The following ROBO2 variants were observed in gnomAD, a reference collection of about 807,000 sequenced individuals.
ROBO2 encodes roundabout homolog 2.
Under a neutral mutation model 160.8 loss-of-function variants are expected in ROBO2, and 53 were observed. The ratio of observed to expected loss-of-function variants is 0.33; its 90% CI spans 0.26 to 0.41. The LOEUF is 0.41. Among genes scored for constraint, ROBO2 ranks in the 10% least tolerant of loss-of-function variants. The pLI, the probability that ROBO2 is intolerant of heterozygous loss-of-function variation, is 1.00. For missense variants in ROBO2, 1,577 were observed against 1,722.4 expected, an observed-to-expected ratio of 0.92 and a Z score of 1.49; for synonymous variants, 664 against 611.7, an observed-to-expected ratio of 1.09 and a Z score of -1.26.
At chr3:76,185,197 T>TATATATATATATATATATATATAG (rs1559621603) in intron 2 of ROBO2, among the ~76,000 whole-genome samples, 5 of 81,760 alleles carry the variant, frequency 6.1e-5, no homozygotes, top group African/African-American at 1.5e-4. Context: ...TAAACACAGA[T>TATATATATATATATATATATATAG]ATATATATAT....
rs186868279 is a variant in ROBO2, at chr3:76,238,464, C to A, written c.109+300862C>A. ...ACCTCCATGATCTAACCACCTCCCC[C>A]AAGGGCTTCCCCCTAGACACAAGGG... is the stretch of plus-strand genomic sequence containing the variant. On this transcript the variant is annotated intron_variant, in intron 2 of 26. Transcript: ENST00000487694. 1.1e-3 allele frequency among the ~76,000 whole-genome samples: 174 copies of A among 152,126 alleles called. No homozygotes were observed. The Middle Eastern group carries it at 0.014, about 12-fold the overall frequency.
intron 2 of ROBO2, among the ~76,000 whole-genome samples, chr3:76,796,503 AGAAGGAAAGAAG>A (rs1340486548): frequency 8.5e-6 from 1 of 117,928 alleles, no homozygotes; most frequent in Non-Finnish European, 1.7e-5. Context: ...AAGGAAGGAA[AGAAGGAAAGAAG>A]GAAGGAAGGA....
At chr3:77,613,492 G>A (rs987630422) in intron 21 of ROBO2, among the ~76,000 whole-genome samples, 1 of 152,022 alleles carries the variant, frequency 6.6e-6, no homozygotes, top group African/African-American at 2.4e-5. Context: ...ATTATATCTA[G>A]TTATGAAGCA....
At chr3:76,559,923 T>C (rs2084055283) in intron 2 of ROBO2, among the ~76,000 whole-genome samples, 1 of 152,280 alleles carries the variant, frequency 6.6e-6, no homozygotes, top group Non-Finnish European at 1.5e-5. Context: ...GTGCTCTCAT[T>C]GCAAGAGCAC....
intron 2 of ROBO2, among the ~76,000 whole-genome samples, chr3:76,691,247 T>G (rs155470): frequency 0.57 from 86,768 of 151,708 alleles, 26,243 homozygotes; most frequent in East Asian, 0.78. Context: ...GTGCTCACTT[T>G]CCCTTCCACC....
chr3:77,404,655 T>G (rs2076113675), intron 2 of ROBO2, among the ~76,000 whole-genome samples: 1 of 152,288 alleles, frequency 6.6e-6, no homozygotes, highest in South Asian at 2.1e-4. Context: ...ATGGATATTC[T>G]TAGAATTTAA....
intron 2 of ROBO2, among the ~76,000 whole-genome samples, chr3:76,170,361 AG>A (rs926286928): frequency 7.2e-5 from 11 of 152,196 alleles, no homozygotes; most frequent in African/African-American, 2.7e-4. Flanking sequence ...AAATTAATTT[AG>A]AATAACTTTT....
chr3:77,150,021 G>A (rs1183584938), intron 2 of ROBO2, among the ~76,000 whole-genome samples: 2 of 152,004 alleles, frequency 1.3e-5, no homozygotes, highest in African/African-American at 2.4e-5. Flanking sequence ...TATTTTATTT[G>A]TTCCTGATTT....
chr3:77,345,086 C>T (rs1437096394), intron 2 of ROBO2, among the ~76,000 whole-genome samples: 1 of 151,878 alleles, frequency 6.6e-6, no homozygotes, highest in Non-Finnish European at 1.5e-5. Context: ...TAAAAAAAAC[C>T]GTAAAAACTC....
At chr3:76,027,546 C>T (rs1417797728) in intron 2 of ROBO2, among the ~76,000 whole-genome samples, 1 of 151,866 alleles carries the variant, frequency 6.6e-6, no homozygotes, top group Non-Finnish European at 1.5e-5. Flanking sequence ...CCTGAGATCC[C>T]AGTTCTAATA....
chr3:76,627,679 GA>G (rs1247614870), intron 2 of ROBO2, among the ~76,000 whole-genome samples: 2 of 88,232 alleles, frequency 2.3e-5, no homozygotes, highest in South Asian at 3.1e-4. Flanking sequence ...AAGCAATAAG[GA>G]AAAAAAGTGC....
chr3:77,275,943 C>G lies in ROBO2; in HGVS notation c.388+177603C>G, dbSNP rs1478787468. Among the ~76,000 whole-genome samples, 5 of 152,084 alleles carry G rather than the reference C, an allele frequency of 3.3e-5. No individual in the cohort carries two copies. The East Asian group carries it at 7.7e-4, about 23-fold the overall frequency. On this transcript the variant is annotated intron_variant, in intron 2 of 25. Transcript: ENST00000461745. ...TAAAGCTGTTAAAGGAAACTGGAAC[C>G]CGCTTTTTCTCAGTGATGACATCCA...
intron 2 of ROBO2, among the ~76,000 whole-genome samples, chr3:76,177,188 A>G (rs1217928314): frequency 1.3e-5 from 2 of 152,164 alleles, no homozygotes; most frequent in African/African-American, 4.8e-5. Flanking sequence ...GTATTTTGCT[A>G]AAGATTTAAG....
chr3:76,768,627 T>C (rs532426717), intron 2 of ROBO2, among the ~76,000 whole-genome samples: 1 of 150,670 alleles, frequency 6.6e-6, no homozygotes, highest in Non-Finnish European at 1.5e-5. Flanking sequence ...AGAATAAAGA[T>C]TTAATATAAT....
intron 1 of ROBO2, among the ~76,000 whole-genome samples, chr3:77,046,021 A>G (rs1260861501): frequency 2.0e-5 from 3 of 152,170 alleles, no homozygotes; most frequent in Non-Finnish European, 2.9e-5. Context: ...ATGAACATTT[A>G]AGTTATTTCC....
chr3:77,607,127 C>A (rs953841356), intron 20 of ROBO2, among the ~76,000 whole-genome samples: 1 of 152,168 alleles, frequency 6.6e-6, no homozygotes, highest in African/African-American at 2.4e-5. Flanking sequence ...TAGAATGCCA[C>A]TGAAACTGAT....
At chr3:77,027,441 G>C (rs905927274) in intron 2 of ROBO2, among the ~76,000 whole-genome samples, 1 of 152,112 alleles carries the variant, frequency 6.6e-6, no homozygotes, top group Non-Finnish European at 1.5e-5. Context: ...GAAAGTATAC[G>C]CAGAAATGAT....
In ROBO2 at chr3:76,772,586, T is replaced by C. The variant is rs148500190; in HGVS notation, c.110-325428T>C. ...CTGGATTTTTCTATACACTAATTTT[T>C]ATTCAGATTTATTTTAAGTTTACTT... On this transcript the variant is annotated intron_variant, in intron 2 of 26. Coordinates refer to the ROBO2 transcript ENST00000487694. Among the ~76,000 whole-genome samples the C allele has an allele frequency of 3.3e-3, 501 of 150,798 alleles. 2 individuals are homozygous for C. Among genetic ancestry groups the C allele is most frequent in the African/African-American group, 0.011 (472 of 41,334 alleles).
chr3:76,315,211 A>G (rs1386523283), intron 2 of ROBO2, among the ~76,000 whole-genome samples: 1 of 152,200 alleles, frequency 6.6e-6, no homozygotes, highest in Non-Finnish European at 1.5e-5. Flanking sequence ...GAGTCTGTTG[A>G]GTTCACTCAA....
Sources: allele counts gnomAD v4.1 joint callset (sites outside exome capture counted in the v4.1 genomes callset), GRCh38; gene constraint gnomAD v4.1.1; transcripts MANE v1.5; gene names NCBI Gene and HGNC (gene_info 2026-07-23, HGNC 2026-07-21).